Variants in RGS7 observed in about 807,000 individuals in gnomAD.
RGS7 encodes regulator of G-protein signaling 7.
Under a neutral mutation model 81.1 loss-of-function variants are expected in RGS7, and 27 were observed. That is an observed-to-expected ratio of 0.33 (90% CI 0.25 to 0.46). RGS7 has a LOEUF of 0.46. RGS7 is among the 20% of genes least tolerant of loss of function. The pLI is 1.00. For missense variants in RGS7, 396 were observed against 607.4 expected, an observed-to-expected ratio of 0.65 and a Z score of 3.66; for synonymous variants, 208 against 207.7, an observed-to-expected ratio of 1.00 and a Z score of -0.01.
intron 2 of RGS7, among the ~76,000 whole-genome samples, chr1:241,304,983 A>G (rs1312010782): frequency 6.6e-6 from 1 of 152,192 alleles, no homozygotes; most frequent in African/African-American, 2.4e-5. Flanking sequence ...CTGTTGTATT[A>G]TTTAACAACC....
intron 2 of RGS7, among the ~76,000 whole-genome samples, chr1:241,231,199 T>C (rs1374401654): frequency 6.6e-6 from 1 of 152,212 alleles, no homozygotes; most frequent in Admixed American, 6.5e-5. Context: ...AAACACTCCT[T>C]GAAGCTAGCT....
At chr1:240,791,111 G>C (rs761250264) in intron 18 of RGS7, among the ~76,000 whole-genome samples, 44 of 152,126 alleles carry the variant, frequency 2.9e-4, no homozygotes, top group Non-Finnish European at 2.9e-4. Context: ...AACTGATGAT[G>C]AACTTTTTTT....
chr1:240,854,272 A>G (rs924816875), intron 9 of RGS7, among the ~76,000 whole-genome samples: 1 of 152,194 alleles, frequency 6.6e-6, no homozygotes, highest in Non-Finnish European at 1.5e-5. Context: ...TGATAATACA[A>G]CTGGAATTTA....
chr1:240,813,409 T>C (rs951245204), intron 13 of RGS7, among the ~76,000 whole-genome samples: 21 of 19,068 alleles, frequency 1.1e-3, no homozygotes, highest in Admixed American at 4.1e-3. Flanking sequence ...TTTCCAGCAA[T>C]GCAAATCTTA....
intron 2 of RGS7, among the ~76,000 whole-genome samples, chr1:241,320,216 A>T (rs2081130834): frequency 6.6e-6 from 1 of 152,216 alleles, no homozygotes; most frequent in South Asian, 2.1e-4. Flanking sequence ...GTGCCCTAAT[A>T]GGTGCTGTTG....
chr1:241,304,421 C>T (rs959466875), intron 2 of RGS7, among the ~76,000 whole-genome samples: 14 of 152,266 alleles, frequency 9.2e-5, no homozygotes, highest in South Asian at 2.1e-4. Context: ...ACTGAGTTGA[C>T]GCACAGCCAA....
In RGS7 at chr1:240,834,492, A is replaced by G. The variant is rs117050632; in HGVS notation, c.610-7320T>C. 4.6e-4 allele frequency among the ~76,000 whole-genome samples: 70 copies of G among 152,024 alleles called. No individual in the cohort carries two copies. In the East Asian group the frequency reaches 0.012, roughly 26 times the overall value. ...GGTAAGGACTTTGGTTTAATTCTTT[A>G]TTTTTATTTTTAAGGTTTTTTTTGT... On this transcript the variant is annotated intron_variant, in intron 9 of 18. Coordinates refer to ENST00000440928, the MANE Select transcript of RGS7 (RefSeq NM_001364886.1).
intron 2 of RGS7, among the ~76,000 whole-genome samples, chr1:241,230,059 T>C (rs1172319305): frequency 4.9e-5 from 6 of 123,506 alleles, no homozygotes; most frequent in Non-Finnish European, 1.1e-4. Context: ...CATCAATTTA[T>C]ATTTAAGTTT....
chr1:240,850,669 C>A (rs911643003), intron 9 of RGS7, among the ~76,000 whole-genome samples: 2 of 152,116 alleles, frequency 1.3e-5, no homozygotes, highest in Non-Finnish European at 2.9e-5. Context: ...AGGATGAGAG[C>A]TAAGACTTTT....
intron 6 of RGS7, among the ~76,000 whole-genome samples, chr1:240,899,239 A>G (rs1443518514): frequency 2.0e-5 from 3 of 151,960 alleles, no homozygotes; most frequent in African/African-American, 7.3e-5. Context: ...TCTTTATCCA[A>G]TTTGCCAGCC....
chr1:240,969,597 C>A (rs1482190424), intron 4 of RGS7, among the ~76,000 whole-genome samples: 2 of 152,112 alleles, frequency 1.3e-5, no homozygotes, highest in East Asian at 3.8e-4. Flanking sequence ...TAATAGCTGA[C>A]AACTCTAATA....
At chr1:240,823,337 G>A in intron 10 of RGS7, 1 of 538,204 alleles carries the variant, frequency 1.9e-6, no homozygotes. Flanking sequence ...GCTACTACTT[G>A]TTCTGGAAAA....
rs1443403751 is a variant in RGS7 at position 240,920,437 on chromosome 1, T to G, written c.385+10280A>C. 3.3e-6 allele frequency: 4 copies of G among 1,216,262 alleles called. No homozygotes were observed. The East Asian group carries it at 9.3e-5, about 28-fold the overall frequency. The allele number at this position is 1,216,262 out of a possible 1,614,324, so 75.3% of individuals were successfully genotyped here. On this transcript the variant is annotated intron_variant, in intron 6 of 18. Coordinates refer to ENST00000440928, the MANE Select transcript of RGS7 (RefSeq NM_001364886.1). Reference sequence around the variant, plus strand: ...GGAGGTGGTGGAAGCTACAATGATTTTGGCAATTACAACAATCAATCTTCA... The same window carrying G: ...GGAGGTGGTGGAAGCTACAATGATTGTGGCAATTACAACAATCAATCTTCA...
chr1:240,966,517 C>T (rs1337498226), intron 4 of RGS7, among the ~76,000 whole-genome samples: 1 of 151,974 alleles, frequency 6.6e-6, no homozygotes, highest in Non-Finnish European at 1.5e-5. Context: ...TCCAGAACGC[C>T]ACACCATTTC....
chr1:240,870,353 T>C (rs1217479483), intron 6 of RGS7, among the ~76,000 whole-genome samples: 3 of 152,146 alleles, frequency 2.0e-5, no homozygotes, highest in Non-Finnish European at 1.5e-5. Context: ...CTTTTTTTTT[T>C]CAGAGATGGT....
At chr1:241,049,593 C>T (rs2148800131) in intron 3 of RGS7, among the ~76,000 whole-genome samples, 1 of 152,218 alleles carries the variant, frequency 6.6e-6, no homozygotes, top group Non-Finnish European at 1.5e-5. Flanking sequence ...TGTAATATAT[C>T]CCAATGTTGT....
Position 241,208,193 on chromosome 1 carries a change from C to T in RGS7, c.79-109431G>A, listed in dbSNP as rs544349745. On this transcript the variant is annotated intron_variant, in intron 2 of 18. Coordinates refer to ENST00000440928, the MANE Select transcript of RGS7 (RefSeq NM_001364886.1). ...TGCTGGGATTACAGGCGTGAGCCACCGCGCCTGGACCATCTTTGCCTTTTT... is the reference window on the plus strand; with the variant it reads ...TGCTGGGATTACAGGCGTGAGCCACTGCGCCTGGACCATCTTTGCCTTTTT... Among the ~76,000 whole-genome samples, 12 of 152,206 alleles carry T rather than the reference C, an allele frequency of 7.9e-5. No homozygotes were observed. In the South Asian group the frequency reaches 1.7e-3, roughly 21 times the overall value.
intron 3 of RGS7, among the ~76,000 whole-genome samples, chr1:241,035,453 A>G (rs574106175): frequency 1.3e-5 from 2 of 152,184 alleles, no homozygotes; most frequent in African/African-American, 2.4e-5. Context: ...ATAATTATGA[A>G]ACATTTCGGA....
chr1:241,111,117 G>A (rs947740455), intron 2 of RGS7, among the ~76,000 whole-genome samples: 3 of 152,112 alleles, frequency 2.0e-5, no homozygotes, highest in Non-Finnish European at 2.9e-5. Flanking sequence ...TTAAATCCCA[G>A]CTTCTCTTTG....
Sources: allele counts gnomAD v4.1 joint callset (sites outside exome capture counted in the v4.1 genomes callset), GRCh38; gene constraint gnomAD v4.1.1; transcripts MANE v1.5; gene names NCBI Gene and HGNC (gene_info 2026-07-23, HGNC 2026-07-21).